STAG3: variants seen among roughly 807,000 people sequenced by gnomAD.
STAG3 encodes STAG3 cohesin complex component.
In STAG3, 101 loss-of-function variants were observed where a neutral mutation model predicts 160.7. The observed-to-expected ratio is 0.63, with a 90% CI of 0.54 to 0.74. The LOEUF (loss-of-function observed/expected upper bound fraction) is 0.74, where lower values mean the gene tolerates loss of function less well. Ranked by LOEUF, STAG3 falls within the 30% of genes least tolerant of loss-of-function variation. The pLI is 0.00. For synonymous variants in STAG3, 519 were observed against 585.0 expected, an observed-to-expected ratio of 0.89 and a Z score of 1.63; for missense variants, 1,188 against 1,517.4, an observed-to-expected ratio of 0.78 and a Z score of 3.61.
chr7:100,195,551 G>A (rs1399961083), intron 9 of STAG3, among the ~76,000 whole-genome samples, 169 bp downstream of exon 9: 1 of 152,234 alleles, frequency 6.6e-6, no homozygotes, highest in Non-Finnish European at 1.5e-5. Flanking sequence ...GTGAGGTTTA[G>A]TTTATCACCA....
chr7:100,191,422 C>T (rs1303628705), intron 8 of STAG3, among the ~76,000 whole-genome samples: 2 of 152,100 alleles, frequency 1.3e-5, no homozygotes, highest in Non-Finnish European at 2.9e-5. Flanking sequence ...GATTCAATTC[C>T]AGACCACCAT....
Position 100,182,847 on chromosome 7 carries a change from A to C in STAG3, c.336+8A>C. On this transcript the variant is annotated splice_region_variant and intron_variant, in intron 4 of 33. Coordinates refer to ENST00000615138, the MANE Select transcript of STAG3 (RefSeq NM_001282717.2). ...GCCAAAAGTGACATGCAGGTAAAGC[A>C]GTGTCTCACCTCTGTTGATACCATC... 1 of 1,613,954 alleles carries C rather than the reference A, an allele frequency of 6.2e-7. No homozygotes were observed. The highest frequency in any genetic ancestry group is 8.5e-7 in the Non-Finnish European group (1 of 1,179,850).
At chr7:100,179,258 G>GTTTTTT (rs199739182) in intron 1 of STAG3, among the ~76,000 whole-genome samples, 1 of 135,334 alleles carries the variant, frequency 7.4e-6, no homozygotes, top group Non-Finnish European at 1.6e-5. Flanking sequence ...CCTTGCTTGG[G>GTTTTTT]TTTTGTTTTT....
intron 2 of STAG3, 113 bp from the exon 3 acceptor site, chr7:100,181,977 G>A: frequency 1.7e-6 from 1 of 577,672 alleles, no homozygotes; most frequent in South Asian, 2.3e-5. Context: ...ATCTGGATAT[G>A]TTTTTCTCAT....
chr7:100,200,395 G>C (rs1562985445), intron 17 of STAG3, 58 bp from the exon 18 acceptor site: 1 of 1,612,482 alleles, frequency 6.2e-7, no homozygotes, highest in African/African-American at 1.3e-5. Context: ...TGTGGGGGTG[G>C]GAGTAGGAAT....
chr7:100,213,888 T>C, intron 33 of STAG3, 82 bp downstream of exon 33: 2 of 1,613,038 alleles, frequency 1.2e-6, no homozygotes, highest in Non-Finnish European at 1.7e-6. Context: ...TGACAGGCCA[T>C]AGCCTGGGGG....
At chr7:100,182,251 TG>T in intron 3 of STAG3, 59 bp downstream of exon 3, 1 of 1,322,906 alleles carries the variant, frequency 7.6e-7, no homozygotes. Context: ...CCCAGCTACT[TG>T]GGAGGCTGAG....
At chr7:100,185,181 A>G (rs1799915995) in intron 4 of STAG3, among the ~76,000 whole-genome samples, 1 of 152,096 alleles carries the variant, frequency 6.6e-6, no homozygotes, top group Non-Finnish European at 1.5e-5. Context: ...CATAGCTGGG[A>G]CTATAGGCAT....
chr7:100,208,750 G>C (rs1483741482), intron 29 of STAG3, among the ~76,000 whole-genome samples: 1 of 152,096 alleles, frequency 6.6e-6, no homozygotes, highest in Non-Finnish European at 1.5e-5. Flanking sequence ...GAACAAAAAA[G>C]CTAAACATCT....
At chr7:100,182,631 C>T (rs1799719675) in intron 3 of STAG3, 92 bp from the exon 4 acceptor site, 8 of 1,371,024 alleles carry the variant, frequency 5.8e-6, no homozygotes, top group Admixed American at 3.6e-5. Context: ...CAGCTTAAGC[C>T]TACTTGTGTG....
Position 100,197,277 on chromosome 7 carries a change from A to T in STAG3, c.1063A>T (p.Lys355Ter). ...ATATATTGGTTGGACTCTGCATGATAAGGTGGGATTCGAGTCAGTTTCCCT... is the reference window on the plus strand; with the variant it reads ...ATATATTGGTTGGACTCTGCATGATTAGGTGGGATTCGAGTCAGTTTCCCT... ...LKYIGWTLHD[K>*]HREVRLKCVK... is the part of the protein sequence containing the mutation. The change falls in exon 10 of 34, where the codon AAG (lysine) becomes TAG (stop). Residue 355 changes from lysine to a stop codon, truncating the protein, a stop_gained and splice_region_variant. Coordinates refer to ENST00000615138, the MANE Select transcript of STAG3 (RefSeq NM_001282717.2). LOFTEE classifies it high-confidence loss of function. The T allele has an allele frequency of 6.2e-7, 1 of 1,608,114 alleles. No homozygotes were observed. Among genetic ancestry groups the T allele is most frequent in the Non-Finnish European group, 8.5e-7 (1 of 1,177,316 alleles).
chr7:100,200,610 CTTT>C, intron 18 of STAG3, 68 bp downstream of exon 18: 1 of 1,567,330 alleles, frequency 6.4e-7, no homozygotes, highest in East Asian at 2.3e-5. Context: ...TTGCCAGTAT[CTTT>C]TTTTCCTAAG....
chr7:100,196,665 C>G (rs1166090619), intron 9 of STAG3, among the ~76,000 whole-genome samples: 2 of 151,988 alleles, frequency 1.3e-5, no homozygotes, highest in Admixed American at 1.3e-4. Context: ...TGGTGGTGCA[C>G]CTGTAATCCC....
In STAG3 at chr7:100,189,572, G is replaced by A; in HGVS notation, c.843G>A (p.Glu281=). The change falls in exon 8 of 34, where the codon GAG becomes GAA. Residue 281 remains glutamate (E), a synonymous_variant. Coordinates refer to ENST00000615138, the MANE Select transcript of STAG3 (RefSeq NM_001282717.2). ...GPGQRAPERL[E]SLLEKRKELQ... ...GGCAGAGGGCACCTGAGCGGCTGGA[G>A]AGCCTGTTGGAGAAACGCAAAGAGG... is the stretch of plus-strand genomic sequence containing the variant. 1 of 1,613,712 alleles carries A rather than the reference G, an allele frequency of 6.2e-7. No homozygotes were observed. Among genetic ancestry groups the A allele is most frequent in the South Asian group, 1.1e-5 (1 of 91,032 alleles).
At chr7:100,198,254 A>T in intron 12 of STAG3, 88 bp downstream of exon 12, 1 of 1,368,542 alleles carries the variant, frequency 7.3e-7, no homozygotes, top group Admixed American at 1.7e-5. Flanking sequence ...TGACTCTTCC[A>T]TCTGTGCAGG....
intron 9 of STAG3, among the ~76,000 whole-genome samples, 172 bp from the exon 10 acceptor site, chr7:100,196,984 A>C (rs1411650028): frequency 6.6e-6 from 1 of 152,196 alleles, no homozygotes; most frequent in Admixed American, 6.5e-5. Context: ...AAATATTTAC[A>C]TGTATTTTAC....
chr7:100,201,691 A>T, intron 21 of STAG3, 95 bp from the exon 22 acceptor site: 1 of 1,020,328 alleles, frequency 9.8e-7, no homozygotes, highest in Non-Finnish European at 1.5e-6. Flanking sequence ...CTCTCCCTTT[A>T]CTCATTTTCT....
At chr7:100,188,585 A>G (rs1800172309) in intron 6 of STAG3, 56 bp downstream of exon 6, 4 of 1,330,912 alleles carry the variant, frequency 3.0e-6, no homozygotes, top group South Asian at 2.3e-5. Flanking sequence ...CACAATGCCT[A>G]TTATCCCCTT....
At chr7:100,198,603 GTTTC>G (rs754006319) in intron 13 of STAG3, 21 bp downstream of exon 13, 11 of 1,605,190 alleles carry the variant, frequency 6.9e-6, no homozygotes, top group African/African-American at 6.7e-5. Context: ...CTCCTTTTAT[GTTTC>G]TTTAACACCA....
Sources: allele counts gnomAD v4.1 joint callset (sites outside exome capture counted in the v4.1 genomes callset), GRCh38; gene constraint gnomAD v4.1.1; transcripts MANE v1.5; gene names NCBI Gene and HGNC (gene_info 2026-07-23, HGNC 2026-07-21).